The following CD2AP variants were observed in gnomAD, a reference collection of about 807,000 sequenced individuals.
CD2AP encodes the protein CD2-associated protein.
In CD2AP, 46 loss-of-function variants were observed where a neutral mutation model predicts 85.1. The ratio of observed to expected loss-of-function variants is 0.54; its 90% CI spans 0.43 to 0.69. The LOEUF (loss-of-function observed/expected upper bound fraction) is 0.69. Ranked by LOEUF, CD2AP falls within the 30% of genes least tolerant of loss-of-function variation. The probability of loss-of-function intolerance (pLI) is 0.00; values close to 1 mark genes in which losing one functional copy is unlikely to be tolerated. For synonymous variants in CD2AP, 255 were observed against 252.9 expected, an observed-to-expected ratio of 1.01 and a Z score of -0.08; for missense variants, 769 against 729.5, an observed-to-expected ratio of 1.05 and a Z score of -0.62.
At chr6:47,501,076 C>A (rs987988182) in intron 1 of CD2AP, among the ~76,000 whole-genome samples, 1 of 152,020 alleles carries the variant, frequency 6.6e-6, no homozygotes, top group Non-Finnish European at 1.5e-5. Flanking sequence ...CAAATAAAAC[C>A]TTCCCAGAAG....
At chr6:47,550,613 A>G (rs1582547396) in intron 4 of CD2AP, among the ~76,000 whole-genome samples, 1 of 152,230 alleles carries the variant, frequency 6.6e-6, no homozygotes, top group South Asian at 2.1e-4. Context: ...TACAGCCACT[A>G]TGGAAAACAG....
intron 1 of CD2AP, among the ~76,000 whole-genome samples, chr6:47,494,990 T>G (rs540737060): frequency 1.3e-5 from 2 of 151,986 alleles, no homozygotes; most frequent in African/African-American, 4.8e-5. Flanking sequence ...TGAGACCATG[T>G]CTCTACAAAA....
rs760711476 is a variant in CD2AP, at chr6:47,497,306, TTTTCC to T, written c.5-5948_5-5944del. Among the ~76,000 whole-genome samples the T allele has an allele frequency of 4.2e-3, 436 of 102,770 alleles. 4 individuals are homozygous for T. The highest frequency in any genetic ancestry group is 0.013 in the East Asian group (56 of 4,378). The allele number at this position is 102,770 out of a possible 152,430, so 67.4% of individuals were successfully genotyped here. The stretch of plus-strand genomic sequence containing the variant: ...TTCCCTTTTCCTGTTCCCGTTCCCT[TTTTCC>T]TTTCCTTTCCTTTCCTTTCCTTTCC... On this transcript the variant is annotated intron_variant, in intron 1 of 17. Coordinates refer to ENST00000359314, the MANE Select transcript of CD2AP (RefSeq NM_012120.3).
At chr6:47,537,642 T>G (rs1393328109) in intron 3 of CD2AP, among the ~76,000 whole-genome samples, 2 of 152,164 alleles carry the variant, frequency 1.3e-5, no homozygotes, top group Non-Finnish European at 2.9e-5. Flanking sequence ...TCTGATCACA[T>G]TATCTTTTTC....
intron 5 of CD2AP, chr6:47,562,623 A>G: frequency 2.2e-6 from 1 of 454,722 alleles, no homozygotes; most frequent in Non-Finnish European, 4.0e-6. Context: ...GCTGTGGTAG[A>G]AGAGGGTATT....
At chr6:47,589,759 A>G (rs1768742136) in intron 11 of CD2AP, among the ~76,000 whole-genome samples, 2 of 151,998 alleles carry the variant, frequency 1.3e-5, no homozygotes, top group Non-Finnish European at 2.9e-5. Flanking sequence ...CTTTCGATAG[A>G]CTTTTGGGCT....
At chr6:47,481,608 A>G (rs946968215) in intron 1 of CD2AP, among the ~76,000 whole-genome samples, 2 of 152,200 alleles carry the variant, frequency 1.3e-5, no homozygotes, top group Non-Finnish European at 2.9e-5. Context: ...GGCCTCCCAA[A>G]GTGCTGGGAT....
chr6:47,539,912 C>T (rs1261044314), intron 3 of CD2AP, among the ~76,000 whole-genome samples: 1 of 151,906 alleles, frequency 6.6e-6, no homozygotes, highest in Admixed American at 6.6e-5. Flanking sequence ...AGTGTGGTGG[C>T]TCACACCTGT....
At chr6:47,557,673 C>T (rs1056332970) in intron 5 of CD2AP, among the ~76,000 whole-genome samples, 1 of 152,136 alleles carries the variant, frequency 6.6e-6, no homozygotes, top group Admixed American at 6.5e-5. Context: ...CTGTTCTGTT[C>T]CATTGGTCTA....
chr6:47,497,731 C>G (rs913186304), intron 1 of CD2AP, among the ~76,000 whole-genome samples: 3 of 152,124 alleles, frequency 2.0e-5, no homozygotes, highest in Non-Finnish European at 2.9e-5. Context: ...ATATTTTGAG[C>G]ATTTTACAGT....
intron 4 of CD2AP, among the ~76,000 whole-genome samples, chr6:47,549,805 A>G (rs1213054111): frequency 6.6e-6 from 1 of 152,206 alleles, no homozygotes; most frequent in East Asian, 1.9e-4. Flanking sequence ...CCTGATTTCA[A>G]ATTATACTAT....
chr6:47,620,901 G>A (rs564452837), intron 17 of CD2AP, among the ~76,000 whole-genome samples: 7 of 152,270 alleles, frequency 4.6e-5, no homozygotes, highest in South Asian at 2.1e-4. Context: ...TCTTATACCC[G>A]AAACTTCGCT....
intron 1 of CD2AP, among the ~76,000 whole-genome samples, chr6:47,487,363 C>T (rs998112376): frequency 2.6e-5 from 4 of 152,088 alleles, no homozygotes; most frequent in Admixed American, 2.6e-4. Flanking sequence ...TGCAGTTGAA[C>T]TTATGCTTAC....
chr6:47,614,337 C>T (rs1002305037), intron 17 of CD2AP, among the ~76,000 whole-genome samples: 1 of 152,090 alleles, frequency 6.6e-6, no homozygotes, highest in African/African-American at 2.4e-5. Flanking sequence ...GTGATTATTT[C>T]TTTCACTTGA....
intron 3 of CD2AP, among the ~76,000 whole-genome samples, chr6:47,541,081 T>C (rs2114039018): frequency 6.6e-6 from 1 of 152,332 alleles, no homozygotes; most frequent in Non-Finnish European, 1.5e-5. Context: ...TACTGTGAAC[T>C]CTAGGTTAGT....
At chr6:47,543,632 G>A (rs371504280) in intron 3 of CD2AP, among the ~76,000 whole-genome samples, 41 of 152,220 alleles carry the variant, frequency 2.7e-4, no homozygotes, top group African/African-American at 9.9e-4. Context: ...GGAGGGTTGG[G>A]GAGGGCAATG....
intron 11 of CD2AP, among the ~76,000 whole-genome samples, chr6:47,586,202 A>G (rs551010541): frequency 1.3e-5 from 2 of 152,352 alleles, no homozygotes; most frequent in Non-Finnish European, 2.9e-5. Context: ...TGAACATTAC[A>G]GTGCAAAAAC....
At chr6:47,617,673 G>A (rs768999239) in intron 17 of CD2AP, among the ~76,000 whole-genome samples, 1 of 152,072 alleles carries the variant, frequency 6.6e-6, no homozygotes, top group Non-Finnish European at 1.5e-5. Flanking sequence ...CACTGTATCT[G>A]TCTTGTTCTG....
At position 47,503,312 on chromosome 6, in the gene CD2AP, G is replaced by A. The variant is rs1766046372; in HGVS notation, c.37G>A (p.Val13Ile). 4.3e-6 allele frequency: 7 copies of A among 1,613,720 alleles called. No homozygotes were observed. Among genetic ancestry groups the A allele is most frequent in the Non-Finnish European group, 5.9e-6 (7 of 1,179,774 alleles). Reference protein sequence around the residue: ...DYIVEYDYDAVHDDELTIRVG... With the variant: ...DYIVEYDYDAIHDDELTIRVG... ...TATTGTGGAGTATGACTATGATGCT[G>A]TACATGATGATGAATTAACTATTCG... Residue 13 changes from valine (V) to isoleucine (I), a missense_variant, in exon 2 of 18, where the codon GTA (valine) becomes ATA (isoleucine). Physicochemically the swap from Val to Ile is conservative, Grantham distance 29. Transcript: ENST00000359314.
Sources: allele counts gnomAD v4.1 joint callset (sites outside exome capture counted in the v4.1 genomes callset), GRCh38; gene constraint gnomAD v4.1.1; transcripts MANE v1.5; gene names NCBI Gene and HGNC (gene_info 2026-07-23, HGNC 2026-07-21).